NOS1: variants seen among roughly 807,000 people sequenced by gnomAD.
NOS1 encodes the protein nitric oxide synthase 1.
A neutral mutation model predicts 164.5 loss-of-function variants in NOS1; 51 were observed. The observed-to-expected ratio is 0.31, with a 90% confidence interval of 0.25 to 0.39. The LOEUF is 0.39. Ranked by LOEUF, NOS1 falls within the 10% of genes least tolerant of loss-of-function variation. The pLI is 1.00. For missense variants in NOS1, 1,362 were observed against 1,885.6 expected, an observed-to-expected ratio of 0.72 and a Z score of 5.14; for synonymous variants, 719 against 745.8, an observed-to-expected ratio of 0.96 and a Z score of 0.59.
Position 117,329,197 on chromosome 12 carries a change from A to G in NOS1, c.725+1148T>C, listed in dbSNP as rs9658284. On this transcript the variant is annotated intron_variant, in intron 2 of 28. Transcript: ENST00000317775. ...TCCCCACTATACTGTGAGCTCCCCA[A>G]TGGCAGGGGATTTGTTGATTTCATT... is the stretch of plus-strand genomic sequence containing the variant. Among the ~76,000 whole-genome samples, 1,485 of 152,232 alleles carry G rather than the reference A, an allele frequency of 9.8e-3. 23 individuals are homozygous for G. The highest frequency in any genetic ancestry group is 0.035 in the South Asian group (168 of 4,810).
At chr12:117,227,225 C>T (rs1868771847) in intron 23 of NOS1, among the ~76,000 whole-genome samples, 1 of 152,188 alleles carries the variant, frequency 6.6e-6, no homozygotes, top group South Asian at 2.1e-4. Context: ...AAATACACAT[C>T]TTGCCTCTTT....
chr12:117,347,504 C>T (rs1038586241), intron 1 of NOS1, among the ~76,000 whole-genome samples: 1 of 152,098 alleles, frequency 6.6e-6, no homozygotes, highest in Non-Finnish European at 1.5e-5. Flanking sequence ...AACCCTGTGG[C>T]CCCCGTCATT....
At chr12:117,351,068 CG>C (rs1369014888) in intron 1 of NOS1, among the ~76,000 whole-genome samples, 2 of 151,930 alleles carry the variant, frequency 1.3e-5, no homozygotes, top group African/African-American at 4.8e-5. Flanking sequence ...GAGCCGAGAT[CG>C]CGCCACTGCA....
intron 18 of NOS1, among the ~76,000 whole-genome samples, chr12:117,245,209 C>T (rs188852913): frequency 1.3e-5 from 2 of 152,236 alleles, no homozygotes; most frequent in Admixed American, 6.5e-5. Flanking sequence ...TACCCTTTCC[C>T]CTGGGGTTGC....
intron 1 of NOS1, among the ~76,000 whole-genome samples, chr12:117,355,897 C>G (rs953214886): frequency 1.3e-5 from 2 of 152,116 alleles, no homozygotes; most frequent in Non-Finnish European, 2.9e-5. Flanking sequence ...GCAGCTGGGA[C>G]CACAGGTGCA....
intron 20 of NOS1, among the ~76,000 whole-genome samples, chr12:117,236,336 A>G (rs1869703358): frequency 6.6e-6 from 1 of 152,198 alleles, no homozygotes; most frequent in South Asian, 2.1e-4. Context: ...TTTTGGCTCA[A>G]CCGAGAACCT....
chr12:117,258,071 G>A (rs1235509327), intron 16 of NOS1, among the ~76,000 whole-genome samples: 2 of 152,086 alleles, frequency 1.3e-5, no homozygotes, highest in Non-Finnish European at 2.9e-5. Flanking sequence ...CCAAAGTGCC[G>A]GGATTACAGG....
intron 3 of NOS1, among the ~76,000 whole-genome samples, chr12:117,296,293 T>C (rs1486814075): frequency 1.3e-5 from 2 of 152,150 alleles, no homozygotes; most frequent in Admixed American, 6.5e-5. Context: ...GTCAACTTCA[T>C]TGGATTGAAG....
chr12:117,308,828 C>T (rs140600412), intron 3 of NOS1, among the ~76,000 whole-genome samples: 51 of 152,172 alleles, frequency 3.4e-4, no homozygotes, highest in African/African-American at 8.2e-4. Context: ...AACTCTTGAC[C>T]TCGTGATTTG....
chr12:117,263,026 C>T (rs1331091783), intron 13 of NOS1, among the ~76,000 whole-genome samples: 1 of 152,120 alleles, frequency 6.6e-6, no homozygotes, highest in African/African-American at 2.4e-5. Flanking sequence ...AACCATTCCT[C>T]GATGGTACCT....
intron 10 of NOS1, among the ~76,000 whole-genome samples, chr12:117,271,441 C>T (rs150630632): frequency 0.02 from 3,113 of 152,226 alleles, 119 homozygotes; most frequent in African/African-American, 0.072. Flanking sequence ...TCATGCCTGG[C>T]TAATTTTTGT....
chr12:117,287,521 C>A (rs933106077), intron 5 of NOS1, among the ~76,000 whole-genome samples: 5 of 152,070 alleles, frequency 3.3e-5, no homozygotes, highest in African/African-American at 1.2e-4. Context: ...TCACTACAAC[C>A]TCCACCTCCC....
Position 117,209,350 on chromosome 12 carries a change from GC to G in NOS1, c.*5958del, listed in dbSNP as rs1956493376. On this transcript the variant is annotated 3_prime_UTR_variant, in exon 29 of 29. Transcript: ENST00000317775. ...TCAGCTTCCTACAGTACCCAAGACG[GC>G]CCCCACAAGAAAGAATTACCCAGCC... is the stretch of plus-strand genomic sequence containing the variant. The G allele has an allele frequency of 1.1e-5, 11 of 972,984 alleles. No homozygotes were observed. Among genetic ancestry groups the G allele is most frequent in the Non-Finnish European group, 1.3e-5 (11 of 818,778 alleles). 60.3% of individuals were successfully genotyped at this position (972,984 alleles called of 1,614,324 possible).
intron 10 of NOS1, among the ~76,000 whole-genome samples, chr12:117,269,389 C>G (rs987484678): frequency 6.7e-6 from 1 of 148,984 alleles, no homozygotes; most frequent in Non-Finnish European, 1.5e-5. Flanking sequence ...GGTGTAAGAT[C>G]TTGAAAGACA....
intron 1 of NOS1, among the ~76,000 whole-genome samples, chr12:117,348,815 TCA>T (rs1392439607): frequency 6.6e-6 from 1 of 152,178 alleles, no homozygotes; most frequent in African/African-American, 2.4e-5. Flanking sequence ...TGACAAACTG[TCA>T]CAGATCAGAG....
intron 1 of NOS1, among the ~76,000 whole-genome samples, chr12:117,358,413 T>C (rs1267812962): frequency 1.3e-5 from 2 of 151,976 alleles, no homozygotes; most frequent in East Asian, 1.9e-4. Flanking sequence ...TTGGGAAATA[T>C]AAAGAGGAGA....
At chr12:117,283,935 G>A (rs1010610874) in intron 7 of NOS1, among the ~76,000 whole-genome samples, 1 of 151,048 alleles carries the variant, frequency 6.6e-6, no homozygotes, top group Non-Finnish European at 1.5e-5. Context: ...GACCAGGTCC[G>A]GATACACAAG....
chr12:117,339,678 C>T (rs777919291), intron 1 of NOS1, among the ~76,000 whole-genome samples: 8 of 152,172 alleles, frequency 5.3e-5, no homozygotes, highest in East Asian at 1.9e-4. Context: ...ATCCATACAA[C>T]GGAATTCTGG....
At chr12:117,315,106 TA>T (rs147303277) in intron 2 of NOS1, among the ~76,000 whole-genome samples, 2 of 152,102 alleles carry the variant, frequency 1.3e-5, no homozygotes, top group African/African-American at 2.4e-5. Flanking sequence ...ATTCTTTTTT[TA>T]AAAAAAATCC....
Sources: gnomAD v4.1 joint callset for allele counts (sites outside exome capture counted in the v4.1 genomes callset) on GRCh38, gnomAD v4.1.1 for gene constraint, MANE v1.5 for transcripts, NCBI Gene and HGNC (gene_info 2026-07-23, HGNC 2026-07-21) for gene names.